The following SAMD12 variants were observed in gnomAD, a reference collection of about 807,000 sequenced individuals.
SAMD12 encodes the protein sterile alpha motif domain containing 12.
In SAMD12, 9 loss-of-function variants were observed where a neutral mutation model predicts 15.0. The observed-to-expected ratio is 0.60, with a 90% CI of 0.36 to 1.05. The LOEUF (loss-of-function observed/expected upper bound fraction) is 1.05, where lower values mean the gene tolerates loss of function less well. Among genes scored for constraint, SAMD12 ranks in the 50% least tolerant of loss-of-function variants. The pLI, the probability that SAMD12 is intolerant of heterozygous loss-of-function variation, is 0.01. For missense variants in SAMD12, 230 were observed against 234.2 expected (o/e 0.98, Z 0.12); for synonymous variants, 86 against 90.1 (o/e 0.96, Z 0.25).
intron 4 of SAMD12, among the ~76,000 whole-genome samples, chr8:118,361,756 C>T (rs1425874805): frequency 2.6e-5 from 4 of 152,136 alleles, no homozygotes; most frequent in Non-Finnish European, 5.9e-5. Context: ...ATCATTCACA[C>T]ATTTGTTAAT....
chr8:118,294,530 T>G (rs1234316006), intron 4 of SAMD12, among the ~76,000 whole-genome samples: 1 of 152,164 alleles, frequency 6.6e-6, no homozygotes, highest in Non-Finnish European at 1.5e-5. Flanking sequence ...CCAAAAGGTA[T>G]TTTTCAGTGT....
At chr8:118,454,758 T>A (rs1449335345) in intron 2 of SAMD12, among the ~76,000 whole-genome samples, 4 of 152,182 alleles carry the variant, frequency 2.6e-5, no homozygotes, top group Non-Finnish European at 5.9e-5. Flanking sequence ...TCTGCAAAAC[T>A]GGGACTCTGC....
At chr8:118,470,756 T>C (rs545116751) in intron 2 of SAMD12, among the ~76,000 whole-genome samples, 1 of 152,314 alleles carries the variant, frequency 6.6e-6, no homozygotes, top group Non-Finnish European at 1.5e-5. Flanking sequence ...TGAATGAACA[T>C]ATTAGAATAT....
At chr8:118,479,789 A>G (rs1256551576) in intron 2 of SAMD12, among the ~76,000 whole-genome samples, 1 of 146,252 alleles carries the variant, frequency 6.8e-6, no homozygotes, top group African/African-American at 2.6e-5. Context: ...TTTTTTTTTA[A>G]TATAATTGCT....
chr8:118,190,419 G>A (rs1266157143), exon 5 of SAMD12: 2 of 152,134 alleles, frequency 1.3e-5, no homozygotes, highest in Non-Finnish European at 2.9e-5. Flanking sequence ...GGTAGATCAT[G>A]GAGCTCTAAA....
intron 3 of SAMD12, among the ~76,000 whole-genome samples, chr8:118,436,245 T>G (rs1822572486): frequency 6.6e-6 from 1 of 152,226 alleles, no homozygotes; most frequent in African/African-American, 2.4e-5. Context: ...GATGAATGAA[T>G]GCCCATTATA....
intron 2 of SAMD12, among the ~76,000 whole-genome samples, chr8:118,490,090 A>G (rs1399405802): frequency 6.6e-6 from 1 of 152,208 alleles, no homozygotes; most frequent in Non-Finnish European, 1.5e-5. Flanking sequence ...AGTTCTTACT[A>G]TCATAGCATT....
In SAMD12 at chr8:118,610,441, G is replaced by A. The variant is rs915313141; in HGVS notation, c.13+11363C>T. ...AGGACTCTGGCATACGGCAGACATC[G>A]CTACAAAGCCAAGTTCTACCACAAA... On this transcript the variant is annotated intron_variant, in intron 1 of 3. Coordinates refer to ENST00000314727, the MANE Select transcript of SAMD12 (RefSeq NM_207506.3). 3.3e-5 allele frequency among the ~76,000 whole-genome samples: 5 copies of A among 152,140 alleles called. No individual in the cohort carries two copies. In the South Asian group the frequency reaches 8.3e-4, roughly 25 times the overall value.
At chr8:118,167,335 C>T in the SAMD12 span, among the ~76,000 whole-genome samples, 1 of 152,102 alleles carries the variant, frequency 6.6e-6, no homozygotes, top group African/African-American at 2.4e-5. Flanking sequence ...AGGAGGCTGA[C>T]TTGTAAGCAA....
intron 1 of SAMD12, among the ~76,000 whole-genome samples, chr8:118,586,677 A>G (rs1188578453): frequency 6.6e-6 from 1 of 152,126 alleles, no homozygotes; most frequent in Non-Finnish European, 1.5e-5. Flanking sequence ...ATGTGTGTGT[A>G]TGTACCATGT....
intron 4 of SAMD12, among the ~76,000 whole-genome samples, chr8:118,236,033 T>C (rs1452612921): frequency 1.3e-5 from 2 of 152,202 alleles, no homozygotes; most frequent in Non-Finnish European, 2.9e-5. Flanking sequence ...CCACCTTCTA[T>C]GGTTGTTGTG....
intron 4 of SAMD12, among the ~76,000 whole-genome samples, chr8:118,306,904 G>A (rs1815378104): frequency 6.6e-6 from 1 of 152,138 alleles, no homozygotes; most frequent in Non-Finnish European, 1.5e-5. Flanking sequence ...CATCTGTGAA[G>A]CTTTCAAAAA....
At chr8:118,330,079 A>G (rs942893820) in intron 4 of SAMD12, among the ~76,000 whole-genome samples, 4 of 152,016 alleles carry the variant, frequency 2.6e-5, no homozygotes, top group African/African-American at 7.2e-5. Flanking sequence ...CTCTAACCCA[A>G]TTGTCACCAA....
chr8:118,584,130 A>C (rs1827366631), intron 1 of SAMD12, among the ~76,000 whole-genome samples: 1 of 152,178 alleles, frequency 6.6e-6, no homozygotes, highest in Non-Finnish European at 1.5e-5. Flanking sequence ...GACTTTCCAC[A>C]CACGTAGGCT....
intron 4 of SAMD12, chr8:118,239,813 A>T (rs1361384094): frequency 6.6e-6 from 1 of 152,094 alleles, no homozygotes; most frequent in Non-Finnish European, 1.5e-5. Context: ...TGGAATCTTC[A>T]TGGGGGCTGT....
At chr8:118,315,488 G>A (rs1008818032) in intron 4 of SAMD12, among the ~76,000 whole-genome samples, 1 of 152,174 alleles carries the variant, frequency 6.6e-6, no homozygotes, top group Non-Finnish European at 1.5e-5. Context: ...TCTGTGGGGT[G>A]AAGAAGTTTC....
At chr8:118,158,918 C>T in the SAMD12 span, among the ~76,000 whole-genome samples, 2 of 152,100 alleles carry the variant, frequency 1.3e-5, no homozygotes, top group African/African-American at 2.4e-5. Flanking sequence ...GAGAGCTGTA[C>T]TACAGCTCAA....
intron 2 of SAMD12, among the ~76,000 whole-genome samples, chr8:118,539,180 G>T (rs1825926967): frequency 6.6e-6 from 1 of 152,166 alleles, no homozygotes; most frequent in South Asian, 2.1e-4. Context: ...ATCATATATA[G>T]ATATACCTGC....
At chr8:118,197,355 C>A in exon 5 of SAMD12, 1 of 329,858 alleles carries the variant, frequency 3.0e-6, no homozygotes, top group Non-Finnish European at 5.6e-6. Context: ...TAAAATAATC[C>A]AGTAGTTGCC....
Sources: gnomAD v4.1 joint callset for allele counts (sites outside exome capture counted in the v4.1 genomes callset) on GRCh38, gnomAD v4.1.1 for gene constraint, MANE v1.5 for transcripts, NCBI Gene and HGNC (gene_info 2026-07-23, HGNC 2026-07-21) for gene names.